Variants in PADI3 observed in about 807,000 individuals in gnomAD.
PADI3 encodes peptidyl arginine deiminase 3.
A neutral mutation model predicts 71.5 loss-of-function variants in PADI3; 53 were observed. The observed-to-expected ratio is 0.74, with a 90% CI of 0.59 to 0.93. The LOEUF (loss-of-function observed/expected upper bound fraction) is 0.93, where lower values mean the gene tolerates loss of function less well. Among genes scored for constraint, PADI3 ranks in the 40% least tolerant of loss-of-function variants. The pLI is 0.00. For missense variants in PADI3, 821 were observed against 868.0 expected, an observed-to-expected ratio of 0.95 and a Z score of 0.68; for synonymous variants, 361 against 347.5, an observed-to-expected ratio of 1.04 and a Z score of -0.43.
chr1:17,267,812 A>G, intron 5 of PADI3, 25 bp from the exon 6 acceptor site: 2 of 1,611,762 alleles, frequency 1.2e-6, no homozygotes, highest in Non-Finnish European at 1.7e-6. Context: ...CCCTTGAGTC[A>G]CTACCACTCT....
intron 1 of PADI3, among the ~76,000 whole-genome samples, chr1:17,257,594 G>A (rs78773659): frequency 0.021 from 3,136 of 152,300 alleles, 52 homozygotes; most frequent in Middle Eastern, 0.061. Flanking sequence ...ACCTGACAGG[G>A]GCCCAGACAC....
chr1:17,261,419 A>G (rs1021148945), intron 2 of PADI3, among the ~76,000 whole-genome samples: 1 of 152,172 alleles, frequency 6.6e-6, no homozygotes, highest in Non-Finnish European at 1.5e-5. Context: ...ACAGTTGAGG[A>G]AATTGAGGCC....
chr1:17,266,055 G>A (rs1418238729), intron 4 of PADI3, among the ~76,000 whole-genome samples: 6 of 152,200 alleles, frequency 3.9e-5, no homozygotes, highest in South Asian at 4.1e-4. Flanking sequence ...GGGACATATG[G>A]TCTCAATTCT....
Position 17,283,225 on chromosome 1 carries a change from T to C in PADI3, c.*146T>C. The C allele has an allele frequency of 3.1e-6, 2 of 648,356 alleles. No homozygotes were observed. The highest frequency in any genetic ancestry group is 3.7e-5 in the African/African-American group (2 of 54,782). The allele number at this position is 648,356 out of a possible 1,614,324, so 40.2% of individuals were successfully genotyped here. ...GGGTGACCGTCCCTCTCAGAAGCCT[T>C]TTCCCTGGAAGTGTCCATGCCTCAC... On this transcript the variant is annotated 3_prime_UTR_variant, in exon 16 of 16. Transcript: ENST00000375460.
chr1:17,269,238 C>T (rs1453490596), intron 6 of PADI3, among the ~76,000 whole-genome samples: 1 of 152,200 alleles, frequency 6.6e-6, no homozygotes, highest in Non-Finnish European at 1.5e-5. Context: ...CAACTTTATT[C>T]TACATGTTCT....
chr1:17,276,990 A>C, intron 13 of PADI3, 114 bp downstream of exon 13: 1 of 820,642 alleles, frequency 1.2e-6, no homozygotes, highest in Non-Finnish European at 1.9e-6. Context: ...GTGTCCCCAA[A>C]TTCAGGGCTT....
chr1:17,256,653 C>G (rs1406877003), intron 1 of PADI3, among the ~76,000 whole-genome samples: 1 of 152,160 alleles, frequency 6.6e-6, no homozygotes, highest in Non-Finnish European at 1.5e-5. Flanking sequence ...GGTTTTCATA[C>G]CAGAAGGACC....
intron 9 of PADI3, among the ~76,000 whole-genome samples, chr1:17,271,854 A>AAAAAAAAAAG (rs1553135554): frequency 7.6e-6 from 1 of 132,324 alleles, no homozygotes; most frequent in Non-Finnish European, 1.5e-5. Context: ...AAAAAAAAAA[A>AAAAAAAAAAG]AGAGAGAGAG....
At position 17,270,415 on chromosome 1, in the gene PADI3, G is replaced by C; in HGVS notation, c.831+4G>C. On this transcript the variant is annotated splice_donor_region_variant and intron_variant, in intron 7 of 15. Coordinates refer to ENST00000375460, the MANE Select transcript of PADI3 (RefSeq NM_016233.2). ...TCTGCTGGACGACTCCAACGAGGTA[G>C]GGACAGAGGGGGTTCAAGAGGAGCT... 6.2e-7 allele frequency: 1 copy of C among 1,609,362 alleles called. No individual in the cohort carries two copies. The highest frequency in any genetic ancestry group is 8.5e-7 in the Non-Finnish European group (1 of 1,177,740).
chr1:17,277,612 G>T (rs2073351830), intron 13 of PADI3, among the ~76,000 whole-genome samples: 1 of 152,242 alleles, frequency 6.6e-6, no homozygotes, highest in South Asian at 2.1e-4. Flanking sequence ...CCCTGGCACA[G>T]ATTCTCTGCT....
chr1:17,258,254 T>G (rs78291204), intron 1 of PADI3, among the ~76,000 whole-genome samples: 2 of 152,180 alleles, frequency 1.3e-5, no homozygotes, highest in South Asian at 2.1e-4. Flanking sequence ...TCTCCCTACA[T>G]GGGTTCCCAC....
chr1:17,281,094 T>C (rs1259774685), intron 15 of PADI3, among the ~76,000 whole-genome samples: 1 of 152,254 alleles, frequency 6.6e-6, no homozygotes, highest in Non-Finnish European at 1.5e-5. Context: ...GCACATGGCA[T>C]CAGCTGGGAA....
intron 6 of PADI3, among the ~76,000 whole-genome samples, chr1:17,269,310 A>G (rs1433109938): frequency 6.6e-6 from 1 of 151,926 alleles, no homozygotes; most frequent in African/African-American, 2.4e-5. Context: ...AATCCCACAC[A>G]CCTTTTCTGG....
rs768790407 is a variant in PADI3, at chr1:17,282,958, G to A, written c.1874G>A (p.Gly625Asp). The change falls in exon 16 of 16, where the codon GGC (glycine) becomes GAC (aspartate). Residue 625 changes from glycine to aspartate, a missense_variant. Transcript: ENST00000375460. ...EKVRSLLEPL[G>D]LHCTFIDDFT... ...GTGCGGTCCCTGCTGGAGCCGCTGGGCCTCCACTGCACCTTCATTGATGAC... is the reference window on the plus strand; with the variant it reads ...GTGCGGTCCCTGCTGGAGCCGCTGGACCTCCACTGCACCTTCATTGATGAC... 2.5e-6 allele frequency: 4 copies of A among 1,614,174 alleles called. No homozygotes were observed. In the South Asian group the frequency reaches 4.4e-5, roughly 18 times the overall value.
intron 5 of PADI3, 150 bp from the exon 6 acceptor site, chr1:17,267,687 G>C: frequency 1.2e-6 from 1 of 803,918 alleles, no homozygotes; most frequent in Non-Finnish European, 2.0e-6. Flanking sequence ...TTCATGGTTT[G>C]TTCTTGATGG....
rs1432509426 is a variant in PADI3, at chr1:17,270,373, A to G, written c.793A>G (p.Ile265Val). ...SFPDAGFTGL[I>V]SFHVTLLDDS... ...CCCTGATGCCGGCTTCACAGGACTC[A>G]TCTCCTTCCATGTCACTCTGCTGGA... is the stretch of plus-strand genomic sequence containing the variant. Residue 265 changes from isoleucine (I) to valine (V), a missense_variant, in exon 7 of 16, where the codon ATC becomes GTC. Coordinates refer to ENST00000375460, the MANE Select transcript of PADI3 (RefSeq NM_016233.2). 6.2e-7 allele frequency: 1 copy of G among 1,613,516 alleles called. No homozygotes were observed. The highest frequency in any genetic ancestry group is 8.5e-7 in the Non-Finnish European group (1 of 1,179,924).
chr1:17,250,215 C>A (rs1412794581), intron 1 of PADI3, among the ~76,000 whole-genome samples: 1 of 152,100 alleles, frequency 6.6e-6, no homozygotes, highest in African/African-American at 2.4e-5. Context: ...CAGCTCTCAC[C>A]TCTCAAGTCT....
chr1:17,268,755 C>T (rs1369072634), intron 6 of PADI3, among the ~76,000 whole-genome samples: 3 of 152,058 alleles, frequency 2.0e-5, no homozygotes, highest in Non-Finnish European at 4.4e-5. Context: ...GATCTGCCCG[C>T]CTCGGCCTCC....
chr1:17,273,979 A>T (rs2073291296), intron 10 of PADI3, among the ~76,000 whole-genome samples: 1 of 152,128 alleles, frequency 6.6e-6, no homozygotes, highest in African/African-American at 2.4e-5. Context: ...GTGTGCGCGC[A>T]CCACTATTAG....
Sources: gnomAD v4.1 joint callset for allele counts (sites outside exome capture counted in the v4.1 genomes callset) on GRCh38, gnomAD v4.1.1 for gene constraint, MANE v1.5 for transcripts, NCBI Gene and HGNC (gene_info 2026-07-23, HGNC 2026-07-21) for gene names.